Variants in SMG7 observed in about 807,000 individuals in gnomAD.
SMG7 encodes the protein SMG7 nonsense mediated mRNA decay factor, also known as nonsense-mediated mRNA decay factor SMG7.
A neutral mutation model predicts 148.2 loss-of-function variants in SMG7; 34 were observed. The observed-to-expected ratio is 0.23, with a 90% confidence interval of 0.17 to 0.31. The LOEUF (loss-of-function observed/expected upper bound fraction) is 0.31. SMG7 is among the 10% of genes least tolerant of loss of function. The probability of loss-of-function intolerance (pLI) is 1.00; values close to 1 mark genes in which losing one functional copy is unlikely to be tolerated. For missense variants in SMG7, 1,114 were observed against 1,408.4 expected, an observed-to-expected ratio of 0.79 and a Z score of 3.35; for synonymous variants, 492 against 515.1, an observed-to-expected ratio of 0.96 and a Z score of 0.61.
intron 1 of SMG7, among the ~76,000 whole-genome samples, chr1:183,501,831 C>G (rs571890456): frequency 6.6e-6 from 1 of 152,290 alleles, no homozygotes; most frequent in Admixed American, 6.5e-5. Context: ...ATTATTCATA[C>G]TACCTATAAT....
At chr1:183,525,121 T>C (rs956988269) in intron 4 of SMG7, among the ~76,000 whole-genome samples, 1 of 152,116 alleles carries the variant, frequency 6.6e-6, no homozygotes, top group Non-Finnish European at 1.5e-5. Flanking sequence ...TTCTTCACAG[T>C]GTGAAGAACT....
intron 10 of SMG7, among the ~76,000 whole-genome samples, chr1:183,536,549 G>C (rs1667829896): frequency 6.6e-6 from 1 of 152,180 alleles, no homozygotes; most frequent in Non-Finnish European, 1.5e-5. Flanking sequence ...TACATATATA[G>C]TACGTACTTC....
chr1:183,477,558 G>A (rs1426566456), intron 1 of SMG7, among the ~76,000 whole-genome samples: 7 of 145,598 alleles, frequency 4.8e-5, no homozygotes, highest in Non-Finnish European at 7.5e-5. Flanking sequence ...ATACGTGTGT[G>A]CATATGTGTA....
chr1:183,523,657 C>T (rs1254372030), intron 4 of SMG7, among the ~76,000 whole-genome samples: 1 of 152,114 alleles, frequency 6.6e-6, no homozygotes, highest in African/African-American at 2.4e-5. Flanking sequence ...GCCTCTAAAC[C>T]AACTAGAGCT....
At chr1:183,517,906 T>A in intron 4 of SMG7, 86 bp downstream of exon 4, 1 of 1,354,984 alleles carries the variant, frequency 7.4e-7, no homozygotes, top group African/African-American at 1.4e-5. Context: ...TGTAAACAAT[T>A]CTTGTAACCA....
At chr1:183,538,568 TAATACTGAA>T (rs1668205994) in intron 12 of SMG7, 128 bp downstream of exon 12, 2 of 699,690 alleles carry the variant, frequency 2.9e-6, no homozygotes, top group Non-Finnish European at 5.2e-6. Flanking sequence ...TAACGTCAAC[TAATACTGAA>T]AGTTGTTGTG....
chr1:183,513,369 C>CT (rs1224170251), intron 2 of SMG7: 2,051 of 122,684 alleles, frequency 0.017, 72 homozygotes, highest in African/African-American at 0.038. Flanking sequence ...ATCTTTGTTA[C>CT]TTTTTTTTTT....
In SMG7 at chr1:183,517,758, C is replaced by A. The variant is rs1391258803; in HGVS notation, c.250C>A (p.Arg84=). The A allele has an allele frequency of 6.2e-7, 1 of 1,614,036 alleles. No individual in the cohort carries two copies. The highest frequency in any genetic ancestry group is 8.5e-7 in the Non-Finnish European group (1 of 1,179,934). ...GQAKNRANPN[R]SEVQANLSLF... is the part of the protein sequence containing the mutation. ...GGCAAAGAATCGAGCAAATCCGAAT[C>A]GGAGTGAAGTTCAGGCAAACCTTTC... is the stretch of plus-strand genomic sequence containing the variant. The change falls in exon 4 of 23, where the codon CGG becomes AGG. Residue 84 remains arginine, a synonymous_variant. Transcript: ENST00000688051.
chr1:183,500,016 CTA>C (rs1659392493), intron 1 of SMG7, among the ~76,000 whole-genome samples: 2 of 152,202 alleles, frequency 1.3e-5, no homozygotes, highest in Non-Finnish European at 2.9e-5. Context: ...AAAAAAAGGA[CTA>C]TTTTTAAAAA....
rs1276076999 is a variant in SMG7, at chr1:183,549,936, C to G, written c.3133+13C>G. On this transcript the variant is annotated intron_variant, in intron 20 of 22. Coordinates refer to ENST00000688051, the MANE Select transcript of SMG7 (RefSeq NM_001375584.1). Reference sequence around the variant, plus strand: ...CCTGCCAGTTCAGGTATTAACTACTCTTTAAATTATAGACCTTACATTTCC... The same window carrying G: ...CCTGCCAGTTCAGGTATTAACTACTGTTTAAATTATAGACCTTACATTTCC... The G allele has an allele frequency of 1.2e-6, 2 of 1,600,928 alleles. No individual in the cohort carries two copies. Among genetic ancestry groups the G allele is most frequent in the Admixed American group, 1.7e-5 (1 of 59,842 alleles).
chr1:183,475,683 G>A (rs1464720923), intron 1 of SMG7, among the ~76,000 whole-genome samples: 2 of 152,136 alleles, frequency 1.3e-5, no homozygotes, highest in African/African-American at 2.4e-5. Context: ...CCTGAATAAG[G>A]TACTGGCAGT....
chr1:183,480,480 G>C (rs1486581603), intron 1 of SMG7, among the ~76,000 whole-genome samples: 6 of 151,948 alleles, frequency 3.9e-5, no homozygotes, highest in Non-Finnish European at 8.8e-5. Context: ...TTCATTTACT[G>C]ATTGTTTTCC....
At chr1:183,524,752 T>A (rs1307602827) in intron 4 of SMG7, among the ~76,000 whole-genome samples, 1 of 152,236 alleles carries the variant, frequency 6.6e-6, no homozygotes, top group Non-Finnish European at 1.5e-5. Flanking sequence ...TATATCTATG[T>A]ATACTGTGTT....
At chr1:183,524,454 G>C (rs927270279) in intron 4 of SMG7, among the ~76,000 whole-genome samples, 1 of 152,018 alleles carries the variant, frequency 6.6e-6, no homozygotes, top group East Asian at 1.9e-4. Flanking sequence ...TGAATTTCTT[G>C]CCCATTACAA....
Position 183,553,260 on chromosome 1 carries a change from CAGAA to C in SMG7, c.*1330_*1333del, listed in dbSNP as rs1671340589. 1 of 1,426,384 alleles carries C rather than the reference CAGAA, an allele frequency of 7.0e-7. No homozygotes were observed. Among genetic ancestry groups the C allele is most frequent in the Non-Finnish European group, 9.4e-7 (1 of 1,064,440 alleles). 88.4% of individuals were successfully genotyped at this position (1,426,384 alleles called of 1,614,324 possible). A position where few individuals can be genotyped will look rare whatever the true frequency, so the allele number is the denominator to read the frequency against. On this transcript the variant is annotated 3_prime_UTR_variant, in exon 23 of 23. Coordinates refer to ENST00000688051, the MANE Select transcript of SMG7 (RefSeq NM_001375584.1). ...GACTGAAAATGTTCTTGTGTAGAAACAGAAGGACAGCATTTCTGTTAGTCATTTC... is the reference window on the plus strand; with the variant it reads ...GACTGAAAATGTTCTTGTGTAGAAACGGACAGCATTTCTGTTAGTCATTTC...
intron 1 of SMG7, among the ~76,000 whole-genome samples, chr1:183,486,649 T>C (rs1370125670): frequency 6.6e-6 from 1 of 152,078 alleles, no homozygotes; most frequent in African/African-American, 2.4e-5. Context: ...GACCTCGTGA[T>C]CCACCTGCAT....
At chr1:183,545,558 A>G (rs1669777233) in intron 16 of SMG7, among the ~76,000 whole-genome samples, 1 of 152,196 alleles carries the variant, frequency 6.6e-6, no homozygotes, top group African/African-American at 2.4e-5. Flanking sequence ...TTTTATTGAA[A>G]ATGGATTTTC....
chr1:183,533,977 C>T (rs531717799), intron 10 of SMG7, 145 bp downstream of exon 10: 3 of 616,934 alleles, frequency 4.9e-6, no homozygotes, highest in Non-Finnish European at 5.5e-6. Context: ...AACTGAAGAC[C>T]TCTTTGTACG....
chr1:183,516,551 C>CA (rs950787876), intron 3 of SMG7, among the ~76,000 whole-genome samples: 3 of 152,100 alleles, frequency 2.0e-5, no homozygotes, highest in East Asian at 1.9e-4. Flanking sequence ...ACCAGATTCC[C>CA]AAGTGAGTAA....
Sources: gnomAD v4.1 joint callset for allele counts (sites outside exome capture counted in the v4.1 genomes callset) on GRCh38, gnomAD v4.1.1 for gene constraint, MANE v1.5 for transcripts, NCBI Gene and HGNC (gene_info 2026-07-23, HGNC 2026-07-21) for gene names.